RASA1: variants seen among roughly 807,000 people sequenced by gnomAD.
RASA1 encodes ras GTPase-activating protein 1.
A neutral mutation model predicts 132.2 loss-of-function variants in RASA1; 25 were observed. The ratio of observed to expected loss-of-function variants is 0.19; its 90% CI spans 0.14 to 0.26. RASA1 has a LOEUF of 0.26. Ranked by LOEUF, RASA1 falls within the 10% of genes least tolerant of loss-of-function variation. RASA1 has a pLI of 1.00. For synonymous variants in RASA1, 477 were observed against 449.9 expected (o/e 1.06, Z -0.76); for missense variants, 964 against 1,299.2 (o/e 0.74, Z 3.97).
intron 1 of RASA1, among the ~76,000 whole-genome samples, chr5:87,305,685 A>G (rs868866230): frequency 3.3e-5 from 5 of 152,370 alleles, no homozygotes; most frequent in Middle Eastern, 3.4e-3. Flanking sequence ...AACTATCAAC[A>G]GAGTAAACAG....
intron 1 of RASA1, among the ~76,000 whole-genome samples, chr5:87,282,046 G>A (rs989069739): frequency 6.6e-6 from 1 of 151,948 alleles, no homozygotes; most frequent in Non-Finnish European, 1.5e-5. Context: ...ATTTAATTTT[G>A]ATGAATTCCA....
At chr5:87,338,536 A>ATATTTTTTTTT in intron 5 of RASA1, among the ~76,000 whole-genome samples, 8 of 85,214 alleles carry the variant, frequency 9.4e-5, no homozygotes, top group African/African-American at 2.7e-4. Context: ...TATATATAAA[A>ATATTTTTTTTT]TTTTTTTTTT....
At chr5:87,363,209 CATT>C (rs1378132067) in intron 10 of RASA1, 136 bp from the exon 11 acceptor site, 9 of 785,932 alleles carry the variant, frequency 1.1e-5, no homozygotes, top group Non-Finnish European at 1.6e-5. Flanking sequence ...GGCATTTTCT[CATT>C]ATGTAAGAAT....
intron 9 of RASA1, among the ~76,000 whole-genome samples, chr5:87,361,071 A>C (rs893956507): frequency 4.6e-5 from 7 of 152,262 alleles, no homozygotes; most frequent in African/African-American, 1.7e-4. Flanking sequence ...TATTTATTTC[A>C]GTTATATCAT....
intron 8 of RASA1, among the ~76,000 whole-genome samples, chr5:87,352,627 G>A (rs190449988): frequency 9.0e-4 from 137 of 151,640 alleles, no homozygotes; most frequent in African/African-American, 3.0e-3. Flanking sequence ...TCTCCCTATA[G>A]TGATAATCCT....
chr5:87,294,743 G>T (rs1284502334), intron 1 of RASA1, among the ~76,000 whole-genome samples: 2 of 152,138 alleles, frequency 1.3e-5, no homozygotes, highest in African/African-American at 4.8e-5. Flanking sequence ...TTATAAATTT[G>T]TTAAGGTGTG....
chr5:87,338,517 ATATATATATATATATAAAATT>A (rs1468971188), intron 5 of RASA1, among the ~76,000 whole-genome samples: 5 of 99,302 alleles, frequency 5.0e-5, no homozygotes, highest in African/African-American at 1.9e-4. Context: ...ATATATATAT[ATATATATATATATATAAAATT>A]TTTTTTTTTT....
At chr5:87,293,563 C>G (rs1001114043) in intron 1 of RASA1, among the ~76,000 whole-genome samples, 1 of 152,050 alleles carries the variant, frequency 6.6e-6, no homozygotes, top group African/African-American at 2.4e-5. Flanking sequence ...ATGTCTTTGT[C>G]TGGTTTTGGT....
At chr5:87,287,484 C>G (rs527826700) in intron 1 of RASA1, among the ~76,000 whole-genome samples, 1 of 136,284 alleles carries the variant, frequency 7.3e-6, no homozygotes, top group African/African-American at 3.0e-5. Flanking sequence ...TATATATACA[C>G]ACCATATATA....
chr5:87,283,951 C>A (rs1014330750), intron 1 of RASA1, among the ~76,000 whole-genome samples: 2 of 152,032 alleles, frequency 1.3e-5, no homozygotes, highest in Non-Finnish European at 2.9e-5. Flanking sequence ...TTATCTCAGG[C>A]AATAGAGAAA....
At chr5:87,320,231 C>T (rs940329208) in intron 1 of RASA1, among the ~76,000 whole-genome samples, 1 of 152,184 alleles carries the variant, frequency 6.6e-6, no homozygotes, top group Admixed American at 6.6e-5. Flanking sequence ...TGAAACTTTC[C>T]CACATCTTCT....
rs185781141 is a variant in RASA1 at position 87,382,203 on chromosome 5, C to T, written c.2691-1510C>T. 6.3e-3 allele frequency among the ~76,000 whole-genome samples: 963 copies of T among 152,288 alleles called. 5 individuals are homozygous for T. Among genetic ancestry groups the T allele is most frequent in the African/African-American group, 0.014 (580 of 41,566 alleles). ...CTGGCCTCAGGTGGTACACCCACCT[C>T]GGCCTCCCAAAGTGTTGGATTACAG... On this transcript the variant is annotated intron_variant, in intron 20 of 24. Transcript: ENST00000274376.
intron 23 of RASA1, among the ~76,000 whole-genome samples, chr5:87,387,562 G>A (rs1380660572): frequency 6.6e-6 from 1 of 152,118 alleles, no homozygotes; most frequent in Non-Finnish European, 1.5e-5. Flanking sequence ...AGAGAAACCA[G>A]GAAGGTGCAT....
chr5:87,342,525 C>G (rs1281587238), intron 6 of RASA1, among the ~76,000 whole-genome samples: 1 of 152,130 alleles, frequency 6.6e-6, no homozygotes, highest in Non-Finnish European at 1.5e-5. Flanking sequence ...TGAAGCGGGT[C>G]AAGTATATAT....
chr5:87,381,364 AATACCCCAACT>A (rs1236905013), intron 20 of RASA1, among the ~76,000 whole-genome samples: 8 of 152,216 alleles, frequency 5.3e-5, no homozygotes, highest in Admixed American at 5.2e-4. Flanking sequence ...TACTCCAACT[AATACCCCAACT>A]AATTCCAGGC....
At chr5:87,369,201 T>C (rs1022846473) in intron 11 of RASA1, among the ~76,000 whole-genome samples, 1 of 152,182 alleles carries the variant, frequency 6.6e-6, no homozygotes, top group African/African-American at 2.4e-5. Context: ...GTTGGAAAGA[T>C]AGCACATTTC....
chr5:87,324,436 G>C (rs1195321134), intron 1 of RASA1, among the ~76,000 whole-genome samples: 2 of 152,152 alleles, frequency 1.3e-5, no homozygotes, highest in Non-Finnish European at 2.9e-5. Context: ...GTGCATTTCA[G>C]TGTAAACTTT....
chr5:87,319,820 C>G (rs1012509774), intron 1 of RASA1, among the ~76,000 whole-genome samples: 2 of 152,174 alleles, frequency 1.3e-5, no homozygotes, highest in African/African-American at 4.8e-5. Flanking sequence ...ATTTCTCCCC[C>G]CAAAATGGGT....
chr5:87,326,263 G>A (rs561411430), intron 1 of RASA1, among the ~76,000 whole-genome samples: 19 of 152,034 alleles, frequency 1.2e-4, no homozygotes, highest in Non-Finnish European at 2.6e-4. Flanking sequence ...GAGCTACTGC[G>A]CCTGGCCACA....
Sources: gnomAD v4.1 joint callset for allele counts (sites outside exome capture counted in the v4.1 genomes callset) on GRCh38, gnomAD v4.1.1 for gene constraint, MANE v1.5 for transcripts, NCBI Gene and HGNC (gene_info 2026-07-23, HGNC 2026-07-21) for gene names.